Variants in EMILIN1 observed in about 807,000 individuals in gnomAD.
EMILIN1 encodes the protein elastin microfibril interfacer 1, also known as EMILIN-1.
Under a neutral mutation model 82.4 loss-of-function variants are expected in EMILIN1, and 49 were observed. The observed-to-expected ratio is 0.59, with a 90% CI of 0.47 to 0.75. The LOEUF is 0.75. EMILIN1 is among the 30% of genes least tolerant of loss of function. EMILIN1 has a pLI of 0.00. For synonymous variants in EMILIN1, 604 were observed against 602.2 expected (o/e 1.00, Z -0.04); for missense variants, 1,313 against 1,366.4 (o/e 0.96, Z 0.62).
Position 27,086,033 on chromosome 2 carries a change from C to A in EMILIN1, c.*18C>A. The stretch of plus-strand genomic sequence containing the variant: ...ACGCGTAGACTGGGGTCCCGCCCGA[C>A]GTGTCTACGTCGGCTGAAGAGACAG... On this transcript the variant is annotated 3_prime_UTR_variant, in exon 8 of 8. Coordinates refer to ENST00000380320, the MANE Select transcript of EMILIN1 (RefSeq NM_007046.4). The A allele has an allele frequency of 7.0e-7, 1 of 1,419,884 alleles. No homozygotes were observed. The highest frequency in any genetic ancestry group is 1.5e-5 in the South Asian group (1 of 65,256). 88.0% of individuals were successfully genotyped at this position (1,419,884 alleles called of 1,614,324 possible).
Position 27,083,057 on chromosome 2 carries a change from A to G in EMILIN1, c.1486A>G (p.Ile496Val). The G allele has an allele frequency of 6.5e-7, 1 of 1,545,254 alleles. No homozygotes were observed. The highest frequency in any genetic ancestry group is 8.7e-7 in the Non-Finnish European group (1 of 1,145,430). The change falls in exon 4 of 8, where the codon ATC becomes GTC. Residue 496 changes from isoleucine (I) to valine (V), a missense_variant. Ile to Val is a conservative substitution (Grantham distance 29). Transcript: ENST00000380320. ...GGAGCAGGACTCTCAAGTCAGCGAG[A>G]TCCTCAGTGCCTTGGAGCGCAGGGT... ...PGEQDSQVSE[I>V]LSALERRVLD...
At position 27,080,773 on chromosome 2, in the gene EMILIN1, A is replaced by G; in HGVS notation, c.332A>G (p.Lys111Arg). ...CGCCCTCGCTACCGTGTGGCCTACA[A>G]GACAGTGACCGACATGGAGTGGAGG... ...FLRPRYRVAYKTVTDMEWRCC... is the reference protein window; with the variant it reads ...FLRPRYRVAYRTVTDMEWRCC... The change falls in exon 3 of 8, where the codon AAG becomes AGG. Residue 111 changes from lysine to arginine, a missense_variant. By Grantham distance (26) the Lys-to-Arg change is conservative. Coordinates refer to ENST00000380320, the MANE Select transcript of EMILIN1 (RefSeq NM_007046.4). The G allele has an allele frequency of 6.2e-7, 1 of 1,613,864 alleles. No homozygotes were observed. The highest frequency in any genetic ancestry group is 8.5e-7 in the Non-Finnish European group (1 of 1,179,982).
chr2:27,079,342 T>A (rs1443147660), intron 1 of EMILIN1, 107 bp downstream of exon 1: 19 of 994,264 alleles, frequency 1.9e-5, no homozygotes, highest in Non-Finnish European at 2.7e-5. Context: ...AGAGGGGGAG[T>A]GAGAAGCCCA....
Position 27,083,091 on chromosome 2 carries a change from G to A in EMILIN1, c.1520G>A (p.Ser507Asn). Reference protein sequence around the residue: ...LSALERRVLDSEGQLRLVGSG... With the variant: ...LSALERRVLDNEGQLRLVGSG... ...GCCTTGGAGCGCAGGGTGCTGGACA[G>A]TGAGGGGCAGCTGCGGCTGGTGGGC... The change falls in exon 4 of 8, where the codon AGT becomes AAT. Residue 507 changes from serine to asparagine, a missense_variant. By Grantham distance (46) the Ser-to-Asn change is conservative. Transcript: ENST00000380320. 6.4e-7 allele frequency: 1 copy of A among 1,560,922 alleles called. No individual in the cohort carries two copies. The highest frequency in any genetic ancestry group is 8.7e-7 in the Non-Finnish European group (1 of 1,152,556).
In EMILIN1 at chr2:27,084,595, G is replaced by A. The variant is rs961789344; in HGVS notation, c.2557+64G>A. On this transcript the variant is annotated intron_variant, in intron 5 of 7. Coordinates refer to ENST00000380320, the MANE Select transcript of EMILIN1 (RefSeq NM_007046.4). ...ACTGCCCCCTCCAACCCTGACCCCC[G>A]CTGGCAGCCCCAGGCTTGACATTCC... is the stretch of plus-strand genomic sequence containing the variant. The A allele has an allele frequency of 4.0e-5, 38 of 952,712 alleles. No individual in the cohort carries two copies. The East Asian group carries it at 4.3e-4, about 11-fold the overall frequency. The allele number at this position is 952,712 out of a possible 1,614,324, so 59.0% of individuals were successfully genotyped here. A position where few individuals can be genotyped will look rare whatever the true frequency, so the allele number is the denominator to read the frequency against.
At position 27,082,319 on chromosome 2, in the gene EMILIN1, C is replaced by G. The variant is rs1194309134; in HGVS notation, c.748C>G (p.Arg250Gly). 2.7e-5 allele frequency: 43 copies of G among 1,612,770 alleles called. No homozygotes were observed. The highest frequency in any genetic ancestry group is 3.6e-5 in the Non-Finnish European group (43 of 1,179,938). ...IQHQLQLLDT[R>G]VSTHDQELGH... ...GCACCAGCTGCAGCTCCTGGACACCCGCGTCTCCACCCACGACCAGGAGCT... is the reference window on the plus strand; with the variant it reads ...GCACCAGCTGCAGCTCCTGGACACCGGCGTCTCCACCCACGACCAGGAGCT... The change falls in exon 4 of 8, where the codon CGC (arginine) becomes GGC (glycine). Residue 250 changes from arginine to glycine, a missense_variant. Transcript: ENST00000380320.
Position 27,083,799 on chromosome 2 carries a change from G to A in EMILIN1, c.2228G>A (p.Gly743Glu). The change falls in exon 4 of 8, where the codon GGA becomes GAA. Residue 743 changes from glycine (G) to glutamate (E), a missense_variant. By Grantham distance (98) the Gly-to-Glu change is moderately conservative. Coordinates refer to ENST00000380320, the MANE Select transcript of EMILIN1 (RefSeq NM_007046.4). Reference sequence around the variant, plus strand: ...GAACGGTTGGACACTGTGGCTGGGGGACTGCAGGGCCTGCGCGAGGGCCTT... The same window carrying A: ...GAACGGTTGGACACTGTGGCTGGGGAACTGCAGGGCCTGCGCGAGGGCCTT... ...VCERLDTVAG[G>E]LQGLREGLSR... The A allele has an allele frequency of 6.2e-7, 1 of 1,603,276 alleles. No individual in the cohort carries two copies. Among genetic ancestry groups the A allele is most frequent in the South Asian group, 1.1e-5 (1 of 90,704 alleles).
Position 27,085,899 on chromosome 2 carries a change from G to T in EMILIN1, c.2935G>T (p.Ala979Ser). The T allele has an allele frequency of 2.5e-6, 4 of 1,569,900 alleles. No individual in the cohort carries two copies. Among genetic ancestry groups the T allele is most frequent in the Non-Finnish European group, 3.5e-6 (4 of 1,155,152 alleles). ...CTTCAGCCTCATCCTGCCGCTGCAG[G>T]CCGGGGACACGGTCTGCGTCGACCT... is the stretch of plus-strand genomic sequence containing the variant. ...GVFSLILPLQAGDTVCVDLVM... is the reference protein window; with the variant it reads ...GVFSLILPLQSGDTVCVDLVM... Residue 979 changes from alanine (A) to serine (S), a missense_variant, in exon 8 of 8, where the codon GCC becomes TCC. By Grantham distance (99) the Ala-to-Ser change is moderately conservative. Coordinates refer to ENST00000380320, the MANE Select transcript of EMILIN1 (RefSeq NM_007046.4).
intron 4 of EMILIN1, 130 bp from the exon 5 acceptor site, chr2:27,084,285 G>T (rs1669549921): frequency 1.4e-6 from 1 of 719,058 alleles, no homozygotes; most frequent in Non-Finnish European, 2.4e-6. Flanking sequence ...GGGACCCCAT[G>T]GCCCCCTCAG....
At position 27,080,835 on chromosome 2, in the gene EMILIN1, A is replaced by T; in HGVS notation, c.394A>T (p.Ser132Cys). ...TTATGGGGGCGATGACTGTGCTGAG[A>T]GTCCCGCTCCAGCGCTGGGGCCTGC... ...QGYGGDDCAE[S>C]PAPALGPASS... Residue 132 changes from serine to cysteine, a missense_variant, in exon 3 of 8, where the codon AGT (serine) becomes TGT (cysteine). Coordinates refer to ENST00000380320, the MANE Select transcript of EMILIN1 (RefSeq NM_007046.4). 6.2e-7 allele frequency: 1 copy of T among 1,613,122 alleles called. No homozygotes were observed. The highest frequency in any genetic ancestry group is 8.5e-7 in the Non-Finnish European group (1 of 1,179,774).
chr2:27,084,225 G>A (rs954540442), intron 4 of EMILIN1, among the ~76,000 whole-genome samples, 190 bp from the exon 5 acceptor site: 1 of 152,150 alleles, frequency 6.6e-6, no homozygotes, highest in Non-Finnish European at 1.5e-5. Context: ...AGGCCTGTGG[G>A]TGGAGAGAGG....
At position 27,080,736 on chromosome 2, in the gene EMILIN1, C is replaced by T. The variant is rs777319411; in HGVS notation, c.295C>T (p.Arg99Cys). 6 of 1,611,938 alleles carry T rather than the reference C, an allele frequency of 3.7e-6. No individual in the cohort carries two copies. The highest frequency in any genetic ancestry group is 3.3e-5 in the Admixed American group (2 of 59,826). ...GCCTCCTTCTGCCTCTGCCAGGTAC[C>T]GCCGCTTCCTCCGCCCTCGCTACCG... Reference protein sequence around the residue: ...QPQCPQSIMYRRFLRPRYRVA... With the variant: ...QPQCPQSIMYCRFLRPRYRVA... Residue 99 changes from arginine (R) to cysteine (C), a missense_variant, in exon 3 of 8, where the codon CGC becomes TGC. By Grantham distance (180) the Arg-to-Cys change is radical (BLOSUM62 -3). Transcript: ENST00000380320.
chr2:27,079,287 A>G (rs1208372835), intron 1 of EMILIN1, 52 bp downstream of exon 1: 1 of 1,454,562 alleles, frequency 6.9e-7, no homozygotes, highest in Non-Finnish European at 9.2e-7. Context: ...AGGGGTCAGA[A>G]TGCCACCTCT....
rs774959388 is a variant in EMILIN1 at position 27,082,493 on chromosome 2, G to T, written c.922G>T (p.Gly308Trp). 7 of 1,550,084 alleles carry T rather than the reference G, an allele frequency of 4.5e-6. No homozygotes were observed. In the African/African-American group the frequency reaches 6.8e-5, roughly 15 times the overall value. Residue 308 changes from glycine (G) to tryptophan (W), a missense_variant, in exon 4 of 8, where the codon GGG (glycine) becomes TGG (tryptophan). By Grantham distance (184) the Gly-to-Trp change is radical. Coordinates refer to ENST00000380320, the MANE Select transcript of EMILIN1 (RefSeq NM_007046.4). ...LQESCSVCLA[G>W]LDGFRRQQQE... ...GGAGTCCTGCTCCGTGTGCCTGGCCGGGCTAGATGGCTTCCGCCGGCAGCA... is the reference window on the plus strand; with the variant it reads ...GGAGTCCTGCTCCGTGTGCCTGGCCTGGCTAGATGGCTTCCGCCGGCAGCA...
At position 27,084,865 on chromosome 2, in the gene EMILIN1, A is replaced by G. The variant is rs1050397236; in HGVS notation, c.2558-126A>G. The G allele has an allele frequency of 1.8e-5, 16 of 899,256 alleles. 1 individual carries two copies. Among genetic ancestry groups the G allele is most frequent in the South Asian group, 1.8e-4 (13 of 73,498 alleles). 55.7% of individuals were successfully genotyped at this position (899,256 alleles called of 1,614,324 possible). ...ACCCTACCTATTCCTGTTTTTCTTG[A>G]TACCCCAATTCCTGCTTTGAAGTCC... On this transcript the variant is annotated intron_variant, in intron 5 of 7. Transcript: ENST00000380320.
At position 27,080,845 on chromosome 2, in the gene EMILIN1, C is replaced by T. The variant is rs1404901164; in HGVS notation, c.404C>T (p.Pro135Leu). The change falls in exon 3 of 8, where the codon CCA becomes CTA. Residue 135 changes from proline (P) to leucine (L), a missense_variant. Pro to Leu is a moderately conservative substitution (Grantham distance 98). Transcript: ENST00000380320. ...GATGACTGTGCTGAGAGTCCCGCTCCAGCGCTGGGGCCTGCGTCTTCCACA... is the reference window on the plus strand; with the variant it reads ...GATGACTGTGCTGAGAGTCCCGCTCTAGCGCTGGGGCCTGCGTCTTCCACA... ...GGDDCAESPAPALGPASSTPR... is the reference protein window; with the variant it reads ...GGDDCAESPALALGPASSTPR... The T allele has an allele frequency of 3.1e-6, 5 of 1,612,386 alleles. No individual in the cohort carries two copies. The highest frequency in any genetic ancestry group is 2.7e-5 in the African/African-American group (2 of 74,928).
Position 27,078,961 on chromosome 2 carries a change from G to C in EMILIN1, c.-105G>C, listed in dbSNP as rs1259540540. The C allele has an allele frequency of 2.0e-5, 18 of 882,386 alleles. No homozygotes were observed. The Middle Eastern group carries it at 1.1e-3, about 52-fold the overall frequency. The allele number at this position is 882,386 out of a possible 1,614,324, so 54.7% of individuals were successfully genotyped here. ...ATCAGAAGGAAACTGGGACGGACGG[G>C]CCGGGCTCGGGCTGTCCTGTGGAGC... On this transcript the variant is annotated 5_prime_UTR_variant, in exon 1 of 8. Coordinates refer to ENST00000380320, the MANE Select transcript of EMILIN1 (RefSeq NM_007046.4).
At chr2:27,085,546 C>T in intron 7 of EMILIN1, 132 bp from the exon 8 acceptor site, 1 of 980,154 alleles carries the variant, frequency 1.0e-6, no homozygotes, top group Non-Finnish European at 1.5e-6. Flanking sequence ...GCATAGTGAA[C>T]AAAGCCCCCA....
rs1050672024 is a variant in EMILIN1, at chr2:27,086,071, G to A, written c.*56G>A. On this transcript the variant is annotated 3_prime_UTR_variant, in exon 8 of 8. Transcript: ENST00000380320. ...GCTGAAGAGACAGCGGGGGCGGCGG[G>A]CTCCTGGGGTCTCGCCTGAGACGGG... 1 of 1,313,784 alleles carries A rather than the reference G, an allele frequency of 7.6e-7. No individual in the cohort carries two copies. The highest frequency in any genetic ancestry group is 1.0e-6 in the Non-Finnish European group (1 of 997,012). 81.4% of individuals were successfully genotyped at this position (1,313,784 alleles called of 1,614,324 possible).
Sources: allele counts gnomAD v4.1 joint callset (sites outside exome capture counted in the v4.1 genomes callset), GRCh38; gene constraint gnomAD v4.1.1; transcripts MANE v1.5; gene names NCBI Gene and HGNC (gene_info 2026-07-23, HGNC 2026-07-21).